PDGFRB: variants seen among roughly 807,000 people sequenced by gnomAD.
PDGFRB encodes platelet derived growth factor receptor beta.
PDGFRB carries 42 observed loss-of-function variants against 120.2 expected under a neutral mutation model. The observed-to-expected ratio is 0.35, with a 90% confidence interval of 0.27 to 0.45. The LOEUF (loss-of-function observed/expected upper bound fraction) is 0.45, where lower values mean the gene tolerates loss of function less well. Ranked by LOEUF, PDGFRB falls within the 20% of genes least tolerant of loss-of-function variation. The pLI, the probability that PDGFRB is intolerant of heterozygous loss-of-function variation, is 1.00. For synonymous variants in PDGFRB, 586 were observed against 606.8 expected (o/e 0.97, Z 0.50); for missense variants, 1,149 against 1,476.3 (o/e 0.78, Z 3.63).
intron 22 of PDGFRB, 145 bp downstream of exon 22, chr5:150,117,473 A>T (rs923951387): frequency 1.0e-5 from 6 of 574,678 alleles, no homozygotes; most frequent in Non-Finnish European, 1.5e-5. Context: ...TCTTCTATTC[A>T]TTGGTAGGGA....
In PDGFRB at chr5:150,114,417, A is replaced by AGTG. The variant is rs1384893814; in HGVS notation, c.*1343_*1345dup. On this transcript the variant is annotated 3_prime_UTR_variant, in exon 23 of 23. Transcript: ENST00000261799. ...ACGCAGACCTCGGCACAGGTGCTGG[A>AGTG]GTGGTGGGCTGCAGGAGGTGATCTC... The AGTG allele has an allele frequency of 1.7e-5, 4 of 233,274 alleles. No individual in the cohort carries two copies. The highest frequency in any genetic ancestry group is 8.8e-5 in the African/African-American group (4 of 45,322). The allele number at this position is 233,274 out of a possible 1,614,324, so 14.5% of individuals were successfully genotyped here. A position where few individuals can be genotyped will look rare whatever the true frequency, so the allele number is the denominator to read the frequency against.
intron 1 of PDGFRB, among the ~76,000 whole-genome samples, chr5:150,151,861 C>CA (rs57873398): frequency 0.044 from 3,265 of 74,116 alleles, 173 homozygotes; most frequent in African/African-American, 0.11. Context: ...GACTCCATCT[C>CA]AAAAAAAAAA....
At position 150,130,483 on chromosome 5, in the gene PDGFRB, C is replaced by G; in HGVS notation, c.1367+56G>C. On this transcript the variant is annotated intron_variant, in intron 9 of 22. Coordinates refer to ENST00000261799, the MANE Select transcript of PDGFRB (RefSeq NM_002609.4). ...AACGGGCGGGACTAGATAACCTTCACGAGCTTTTTCTAGCCAGCTGGGGAC... is the reference window on the plus strand; with the variant it reads ...AACGGGCGGGACTAGATAACCTTCAGGAGCTTTTTCTAGCCAGCTGGGGAC... 6 of 1,572,408 alleles carry G rather than the reference C, an allele frequency of 3.8e-6. No individual in the cohort carries two copies. The South Asian group carries it at 5.7e-5, about 15-fold the overall frequency.
In PDGFRB at chr5:150,121,019, G is replaced by A. The variant is rs1204774251; in HGVS notation, c.2464-9C>T. ...AGGTCTCTGTGGACGCACTGGGTTT[G>A]GGGAGAGGGGAGCTGAGGCCTTGGG... On this transcript the variant is annotated splice_polypyrimidine_tract_variant and intron_variant, in intron 17 of 22. Transcript: ENST00000261799. The surrounding 1 kb of genome is among the most constrained non-coding windows in gnomAD (Gnocchi z 4.1). 1 of 1,613,720 alleles carries A rather than the reference G, an allele frequency of 6.2e-7. No homozygotes were observed. The highest frequency in any genetic ancestry group is 1.3e-5 in the African/African-American group (1 of 75,054).
At chr5:150,140,821 G>A (rs184298841) in intron 1 of PDGFRB, among the ~76,000 whole-genome samples, 80 of 152,258 alleles carry the variant, frequency 5.3e-4, no homozygotes, top group Middle Eastern at 3.4e-3. Context: ...GCATGCTTGG[G>A]GAGTCATTCT....
chr5:150,131,496 C>A (rs1031127564), intron 8 of PDGFRB, among the ~76,000 whole-genome samples: 1 of 152,216 alleles, frequency 6.6e-6, no homozygotes, highest in African/African-American at 2.4e-5. Context: ...ACCTTCCCTA[C>A]CCGGCCCCTG....
At position 150,137,028 on chromosome 5, in the gene PDGFRB, A is replaced by C. The variant is rs1432048735; in HGVS notation, c.20T>G (p.Met7Arg). The C allele has an allele frequency of 6.2e-7, 1 of 1,613,802 alleles. No individual in the cohort carries two copies. The highest frequency in any genetic ancestry group is 1.7e-5 in the Admixed American group (1 of 59,994). The change falls in exon 2 of 23, where the codon ATG becomes AGG. Residue 7 changes from methionine (M) to arginine (R), a missense_variant. Physicochemically the swap from Met to Arg is moderately conservative, Grantham distance 91. Transcript: ENST00000261799. The part of the protein sequence containing the change: MRLPGA[M>R]PALALKGELL... ...CCCACCTTTGAGGGCCAGAGCTGGC[A>C]TCGCACCCGGAAGCCGCATGGTGTC...
intron 1 of PDGFRB, among the ~76,000 whole-genome samples, chr5:150,144,676 G>C (rs943197824): frequency 2.7e-4 from 41 of 152,284 alleles, no homozygotes; most frequent in African/African-American, 9.1e-4. Context: ...GTGGGAAAGC[G>C]CTCAGTGTGT....
Position 150,121,867 on chromosome 5 carries a change from T to C in PDGFRB, c.2344+13A>G, listed in dbSNP as rs926709124. 3.1e-6 allele frequency: 5 copies of C among 1,600,884 alleles called. No homozygotes were observed. Among genetic ancestry groups the C allele is most frequent in the Non-Finnish European group, 4.3e-6 (5 of 1,168,236 alleles). On this transcript the variant is annotated intron_variant, in intron 16 of 22. Coordinates refer to ENST00000261799, the MANE Select transcript of PDGFRB (RefSeq NM_002609.4). This position sits in a 1 kb window ranked among gnomAD's most constrained non-coding sequence, Gnocchi z 4.1. Reference sequence around the variant, plus strand: ...GTTTGGATGTGGGGTACTATGTCACTATGTCCACCCACCAGAGGGAACGTA... The same window carrying C: ...GTTTGGATGTGGGGTACTATGTCACCATGTCCACCCACCAGAGGGAACGTA...
intron 22 of PDGFRB, among the ~76,000 whole-genome samples, chr5:150,117,305 G>A (rs1164528874): frequency 6.6e-6 from 1 of 152,112 alleles, no homozygotes; most frequent in African/African-American, 2.4e-5. Flanking sequence ...TCTTTTTGGG[G>A]CTAGGACAGG....
At chr5:150,122,264 C>T (rs1760162165) in intron 15 of PDGFRB, 5 of 533,962 alleles carry the variant, frequency 9.4e-6, no homozygotes, top group South Asian at 9.2e-5. Flanking sequence ...AGAGCTCACA[C>T]CCAGAGGCGA....
chr5:150,127,070 G>A (rs545662197), intron 10 of PDGFRB, among the ~76,000 whole-genome samples: 5 of 152,314 alleles, frequency 3.3e-5, no homozygotes, highest in African/African-American at 9.6e-5. Flanking sequence ...AGTGGCCGGT[G>A]GACTGAGTGA....
rs1580799210 is a variant in PDGFRB at position 150,124,191 on chromosome 5, G to C, written c.2023+59C>G. On this transcript the variant is annotated intron_variant, in intron 14 of 22. Transcript: ENST00000261799. ...GCAAGGCCTGAGGGGGGGGTAGGCG[G>C]GGCCTGGCCTTGGTGGTGGGCACTT... 2.6e-6 allele frequency: 3 copies of C among 1,170,112 alleles called. No individual in the cohort carries two copies. The African/African-American group carries it at 4.5e-5, about 18-fold the overall frequency. 72.5% of individuals were successfully genotyped at this position (1,170,112 alleles called of 1,614,324 possible). A position where few individuals can be genotyped will look rare whatever the true frequency, so the allele number is the denominator to read the frequency against.
rs771367634 is a variant in PDGFRB, at chr5:150,124,372, G to A, written c.1913-12C>T. 10 of 1,605,238 alleles carry A rather than the reference G, an allele frequency of 6.2e-6. No individual in the cohort carries two copies. Among genetic ancestry groups the A allele is most frequent in the Admixed American group, 1.7e-5 (1 of 59,984 alleles). ...GCTGCGGGCTGTGGCTGAGGAAAAT[G>A]GGGGCCCCAGGCCAGGCCCAGTCAT... is the stretch of plus-strand genomic sequence containing the variant. On this transcript the variant is annotated splice_polypyrimidine_tract_variant and intron_variant, in intron 13 of 22. Transcript: ENST00000261799.
chr5:150,117,537 C>CGG (rs1554107242), intron 22 of PDGFRB, 81 bp downstream of exon 22: 7 of 590,052 alleles, frequency 1.2e-5, no homozygotes, highest in South Asian at 2.0e-5. Flanking sequence ...AGCGCGCGCG[C>CGG]GCGCGCGCAC....
At chr5:150,119,325 C>T in intron 20 of PDGFRB, 142 bp downstream of exon 20, 1 of 679,782 alleles carries the variant, frequency 1.5e-6, no homozygotes, top group African/African-American at 1.8e-5. Flanking sequence ...TGATGCCATC[C>T]TTTGAATGGC....
intron 5 of PDGFRB, 40 bp downstream of exon 5, chr5:150,133,841 T>A: frequency 6.2e-7 from 1 of 1,613,374 alleles, no homozygotes; most frequent in African/African-American, 1.3e-5. Context: ...ATCCACCCGT[T>A]CCTGGCCCCT....
intron 12 of PDGFRB, 52 bp from the exon 13 acceptor site, chr5:150,124,883 TC>T: frequency 1.2e-6 from 1 of 854,890 alleles, no homozygotes. Context: ...GCTGCACCGC[TC>T]CCCCAGCTGC....
chr5:150,114,701 G>A lies in PDGFRB; in HGVS notation c.*1062C>T, dbSNP rs1170395449. On this transcript the variant is annotated 3_prime_UTR_variant, in exon 23 of 23. Coordinates refer to ENST00000261799, the MANE Select transcript of PDGFRB (RefSeq NM_002609.4). ...AGGAGCCCAGCTGACCCCCAGGATG[G>A]AAGTTTAGGGTATATGGCCTTGCTT... 1 of 233,594 alleles carries A rather than the reference G, an allele frequency of 4.3e-6. No individual in the cohort carries two copies. The highest frequency in any genetic ancestry group is 8.5e-6 in the Non-Finnish European group (1 of 118,050). 14.5% of individuals were successfully genotyped at this position (233,594 alleles called of 1,614,324 possible).
Sources: gnomAD v4.1 joint callset for allele counts (sites outside exome capture counted in the v4.1 genomes callset) on GRCh38, gnomAD v4.1.1 for gene constraint, Gnocchi (gnomAD v3.1) non-coding constraint, MANE v1.5 for transcripts, NCBI Gene and HGNC (gene_info 2026-07-23, HGNC 2026-07-21) for gene names.